Variants in ZNF280B observed in about 807,000 individuals in gnomAD.
ZNF280B encodes the protein suppressor of hairy wing homolog 2.
ZNF280B carries 16 observed loss-of-function variants against 38.0 expected under a neutral mutation model. The ratio of observed to expected loss-of-function variants is 0.42; its 90% confidence interval spans 0.28 to 0.64. The LOEUF is 0.64. Among genes scored for constraint, ZNF280B ranks in the 30% least tolerant of loss-of-function variants. ZNF280B has a pLI of 0.21. For missense variants in ZNF280B, 581 were observed against 639.6 expected, an observed-to-expected ratio of 0.91 and a Z score of 0.99; for synonymous variants, 253 against 230.6, an observed-to-expected ratio of 1.10 and a Z score of -0.88.
At chr22:22,507,744 G>A (rs362184) in intron 2 of ZNF280B, 66 bp downstream of exon 2, 22,436 of 151,618 alleles carry the variant, frequency 0.15, 1,914 homozygotes, top group South Asian at 0.29. Flanking sequence ...GGAAAGGGCA[G>A]GGGAGCGAAA....
chr22:22,492,676 G>C (rs1043090118), intron 3 of ZNF280B, among the ~76,000 whole-genome samples: 1 of 151,862 alleles, frequency 6.6e-6, no homozygotes, highest in African/African-American at 2.4e-5. Flanking sequence ...CACAAGGTTA[G>C]GAATTGGAGA....
chr22:22,485,597 TTC>T lies in ZNF280B; in HGVS notation c.*2168_*2169del, dbSNP rs2061492353. ...AAAATGTAGATAATATACTCACAAC[TTC>T]TTTGTTATCTGTACTGCCTTCTACT... On this transcript the variant is annotated 3_prime_UTR_variant, in exon 4 of 4. Transcript: ENST00000626650. The T allele has an allele frequency of 6.6e-6, 1 of 151,948 alleles. No homozygotes were observed. Among genetic ancestry groups the T allele is most frequent in the South Asian group, 2.1e-4 (1 of 4,816 alleles). 9.4% of individuals were successfully genotyped at this position (151,948 alleles called of 1,614,324 possible). A position where few individuals can be genotyped will look rare whatever the true frequency, so the allele number is the denominator to read the frequency against.
intron 2 of ZNF280B, among the ~76,000 whole-genome samples, chr22:22,500,896 T>C (rs1033924299): frequency 2.0e-5 from 3 of 150,812 alleles, no homozygotes; most frequent in Non-Finnish European, 4.4e-5. Context: ...GGCACACACC[T>C]GTAGTCCCAG....
chr22:22,495,830 G>C (rs2146799403), intron 2 of ZNF280B, among the ~76,000 whole-genome samples: 1 of 150,120 alleles, frequency 6.7e-6, no homozygotes. Flanking sequence ...TCTTGCTCTT[G>C]TTGCCCAGGC....
upstream of ZNF280B, chr22:22,508,967 C>T (rs2146883071): frequency 6.5e-6 from 1 of 152,786 alleles, no homozygotes; most frequent in East Asian, 2.0e-4. Flanking sequence ...ATCTTGGGTT[C>T]CGGATCACGG....
At chr22:22,508,843 C>CG (rs2146882569), upstream of ZNF280B, 1 of 152,134 alleles carries the variant, frequency 6.6e-6, no homozygotes, top group African/African-American at 2.4e-5. Flanking sequence ...GAGATCGGCG[C>CG]GGCTCCGAGC....
chr22:22,494,367 G>A (rs1330944301), intron 2 of ZNF280B, among the ~76,000 whole-genome samples, 187 bp from the exon 3 acceptor site: 1 of 151,940 alleles, frequency 6.6e-6, no homozygotes, highest in Admixed American at 6.6e-5. Context: ...AAGAGGAATA[G>A]AGCAAGGATC....
intron 3 of ZNF280B, among the ~76,000 whole-genome samples, chr22:22,490,070 G>T (rs528726045): frequency 4.6e-4 from 70 of 151,782 alleles, no homozygotes; most frequent in Non-Finnish European, 9.1e-4. Context: ...TAGAGTTAGA[G>T]TACCTACACA....
In ZNF280B at chr22:22,501,034, A is replaced by C. The variant is rs1157400642; in HGVS notation, c.-187+6776T>G. On this transcript the variant is annotated intron_variant, in intron 2 of 3. Coordinates refer to ENST00000626650, the MANE Select transcript of ZNF280B (RefSeq NM_080764.4). Reference sequence around the variant, plus strand: ...GACTCCGTCTCAAAAAAAAAAAAAAAAAAAAAACAAAAAACCAAAAAAACA... The same window carrying C: ...GACTCCGTCTCAAAAAAAAAAAAAACAAAAAAACAAAAAACCAAAAAAACA... Among the ~76,000 whole-genome samples, 207 of 138,528 alleles carry C rather than the reference A, an allele frequency of 1.5e-3. 1 individual carries two copies. Among genetic ancestry groups the C allele is most frequent in the African/African-American group, 5.2e-3 (180 of 34,498 alleles). 90.9% of individuals were successfully genotyped at this position (138,528 alleles called of 152,430 possible).
Position 22,488,589 on chromosome 22 carries a change from T to C in ZNF280B, c.810A>G (p.Gln270=). 6.2e-7 allele frequency: 1 copy of C among 1,613,938 alleles called. No homozygotes were observed. Among genetic ancestry groups the C allele is most frequent in the Non-Finnish European group, 8.5e-7 (1 of 1,179,988 alleles). ...AKTDILSLTS[Q]NKTFDPKKEN... The stretch of plus-strand genomic sequence containing the variant: ...CTTTCTTGGGATCAAAGGTCTTGTT[T>C]TGACTTGTTAGACTCAAAATGTCTG... Residue 270 remains glutamine (Q), a synonymous_variant, in exon 4 of 4, where the codon CAA becomes CAG. Coordinates refer to ENST00000626650, the MANE Select transcript of ZNF280B (RefSeq NM_080764.4).
chr22:22,500,837 C>A (rs1413056902), intron 2 of ZNF280B, among the ~76,000 whole-genome samples: 2 of 151,294 alleles, frequency 1.3e-5, no homozygotes, highest in South Asian at 4.2e-4. Context: ...CCAGCCTAGG[C>A]GACAAGAGAG....
chr22:22,489,345 T>C lies in ZNF280B; in HGVS notation c.54A>G (p.Gln18=). The C allele has an allele frequency of 6.2e-7, 1 of 1,613,394 alleles. No homozygotes were observed. Among genetic ancestry groups the C allele is most frequent in the East Asian group, 2.2e-5 (1 of 44,796 alleles). ...CTTCGTCATCTACTTGTTTGGTTTCTTGTATGTTCTTCTGTGGTTCAGGCT... is the reference window on the plus strand; with the variant it reads ...CTTCGTCATCTACTTGTTTGGTTTCCTGTATGTTCTTCTGTGGTTCAGGCT... ...EKEPEPQKNI[Q]ETKQVDDEDA... is the part of the protein sequence containing the mutation. Residue 18 remains glutamine (Q), a synonymous_variant, in exon 4 of 4, where the codon CAA becomes CAG. Coordinates refer to ENST00000626650, the MANE Select transcript of ZNF280B (RefSeq NM_080764.4).
intron 2 of ZNF280B, among the ~76,000 whole-genome samples, chr22:22,495,811 G>C (rs1261201420): frequency 6.8e-6 from 1 of 147,750 alleles, no homozygotes; most frequent in Admixed American, 6.7e-5. Flanking sequence ...TTTTTTAATT[G>C]AGACGGAGTC....
rs572288383 is a variant in ZNF280B at position 22,494,150 on chromosome 22, C to T, written c.-156G>A. 1 of 152,078 alleles carries T rather than the reference C, an allele frequency of 6.6e-6. No homozygotes were observed. The highest frequency in any genetic ancestry group is 2.0e-4 in the East Asian group (1 of 5,100). 9.4% of individuals were successfully genotyped at this position (152,078 alleles called of 1,614,324 possible). Reference sequence around the variant, plus strand: ...GAGAGCCTTCACTAAGGAACCAAATCGTCCAGCATCTTGATCTTGAACTTC... The same window carrying T: ...GAGAGCCTTCACTAAGGAACCAAATTGTCCAGCATCTTGATCTTGAACTTC... On this transcript the variant is annotated 5_prime_UTR_variant, in exon 3 of 4. Transcript: ENST00000626650.
chr22:22,486,997 C>A lies in ZNF280B; in HGVS notation c.*770G>T, dbSNP rs1036426804. On this transcript the variant is annotated 3_prime_UTR_variant, in exon 4 of 4. Transcript: ENST00000626650. ...GAATTCGGCAGCAAGTGGGCCAGGGCATAACAAAGCCATTCCAGTCTGACT... is the reference window on the plus strand; with the variant it reads ...GAATTCGGCAGCAAGTGGGCCAGGGAATAACAAAGCCATTCCAGTCTGACT... The A allele has an allele frequency of 6.6e-6, 1 of 151,960 alleles. No individual in the cohort carries two copies. Among genetic ancestry groups the A allele is most frequent in the Non-Finnish European group, 1.5e-5 (1 of 68,018 alleles). 9.4% of individuals were successfully genotyped at this position (151,960 alleles called of 1,614,324 possible). A position where few individuals can be genotyped will look rare whatever the true frequency, so the allele number is the denominator to read the frequency against.
chr22:22,486,150 C>G lies in ZNF280B; in HGVS notation c.*1617G>C, dbSNP rs950187626. 1 of 152,006 alleles carries G rather than the reference C, an allele frequency of 6.6e-6. No individual in the cohort carries two copies. The highest frequency in any genetic ancestry group is 2.4e-5 in the African/African-American group (1 of 41,398). The allele number at this position is 152,006 out of a possible 1,614,324, so 9.4% of individuals were successfully genotyped here. A position where few individuals can be genotyped will look rare whatever the true frequency, so the allele number is the denominator to read the frequency against. On this transcript the variant is annotated 3_prime_UTR_variant, in exon 4 of 4. Coordinates refer to ENST00000626650, the MANE Select transcript of ZNF280B (RefSeq NM_080764.4). ...GCATTAGTGTCAAAAAACTGGGAAA[C>G]TATACATTTAACAGAATAGCTGCAA...
chr22:22,493,513 A>G lies in ZNF280B; in HGVS notation c.-69+550T>C, dbSNP rs565874559. Among the ~76,000 whole-genome samples, 37 of 151,938 alleles carry G rather than the reference A, an allele frequency of 2.4e-4. No individual in the cohort carries two copies. In the South Asian group the frequency reaches 6.7e-3, roughly 27 times the overall value. On this transcript the variant is annotated intron_variant, in intron 3 of 3. Coordinates refer to ENST00000626650, the MANE Select transcript of ZNF280B (RefSeq NM_080764.4). ...TTTAAGAATTAAAGTGTCTCATTGG[A>G]TTCATTTTTTCACTCTCTATTTTGT...
Position 22,489,084 on chromosome 22 carries a change from G to A in ZNF280B, c.315C>T (p.Ser105=). The change falls in exon 4 of 4, where the codon TCC becomes TCT. Residue 105 remains serine, a synonymous_variant. Transcript: ENST00000626650. ...TSEAVTVLPA[S]QLESRSTDSP... ...TATCTGTTGATCTCGATTCAAGTTG[G>A]GAAGCTGGCAGGACGGTCACTGCTT... The A allele has an allele frequency of 6.2e-7, 1 of 1,613,828 alleles. No individual in the cohort carries two copies. Among genetic ancestry groups the A allele is most frequent in the Non-Finnish European group, 8.5e-7 (1 of 1,179,962 alleles).
intron 2 of ZNF280B, among the ~76,000 whole-genome samples, chr22:22,495,925 C>T (rs1473837191): frequency 6.6e-6 from 1 of 151,356 alleles, no homozygotes; most frequent in Non-Finnish European, 1.5e-5. Flanking sequence ...CTTGCCTCAG[C>T]CTACCAAGTA....
Sources: allele counts gnomAD v4.1 joint callset (sites outside exome capture counted in the v4.1 genomes callset), GRCh38; gene constraint gnomAD v4.1.1; transcripts MANE v1.5; gene names NCBI Gene and HGNC (gene_info 2026-07-23, HGNC 2026-07-21).